Variants in DNAH12 observed in about 807,000 individuals in gnomAD.
DNAH12 encodes axonemal beta dynein heavy chain 12.
DNAH12 carries 285 observed loss-of-function variants against 371.5 expected under a neutral mutation model. The observed-to-expected ratio is 0.77, with a 90% CI of 0.70 to 0.85. DNAH12 has a LOEUF of 0.85. DNAH12 is among the 40% of genes least tolerant of loss of function. DNAH12 has a pLI of 0.00. For synonymous variants in DNAH12, 1,200 were observed against 1,213.0 expected, an observed-to-expected ratio of 0.99 and a Z score of 0.22; for missense variants, 3,611 against 3,689.4, an observed-to-expected ratio of 0.98 and a Z score of 0.55.
In DNAH12 at chr3:57,301,900, T is replaced by C. The variant is rs1372586229; in HGVS notation, c.11229A>G (p.Glu3743=). The part of the protein sequence containing the change: ...ITIRNTLRDL[E]KAIKGVVVMD... ...TCACAACCACACCCTTAATAGCTTT[T>C]TCAAGGTCCCGTAGAGTGTTACGTA... The change falls in exon 70 of 74, where the codon GAA becomes GAG. Residue 3743 remains glutamate, a synonymous_variant. Coordinates refer to ENST00000495027, the MANE Select transcript of DNAH12 (RefSeq NM_001366028.2). The C allele has an allele frequency of 1.9e-6, 3 of 1,551,492 alleles. No individual in the cohort carries two copies. Among genetic ancestry groups the C allele is most frequent in the Non-Finnish European group, 2.6e-6 (3 of 1,146,978 alleles).
rs1386750385 is a variant in DNAH12 at position 57,375,917 on chromosome 3, A to G, written c.8514T>C (p.Thr2838=). The part of the protein sequence containing the change: ...DDLQITYENL[T]GDVLVSAGVI... ...CTCCTGCTGATACTAAGACATCGCC[A>G]GTTAAATTTTCATATGTTATCTGAA... is the stretch of plus-strand genomic sequence containing the variant. The change falls in exon 54 of 74, where the codon ACT becomes ACC. Residue 2838 remains threonine, a synonymous_variant. Transcript: ENST00000495027. The G allele has an allele frequency of 6.6e-6, 1 of 152,190 alleles. No individual in the cohort carries two copies. The highest frequency in any genetic ancestry group is 2.4e-5 in the African/African-American group (1 of 41,446). The allele number at this position is 152,190 out of a possible 1,614,324, so 9.4% of individuals were successfully genotyped here.
intron 2 of DNAH12, among the ~76,000 whole-genome samples, chr3:57,533,767 T>C (rs991856335): frequency 1.3e-5 from 2 of 152,200 alleles, no homozygotes; most frequent in African/African-American, 2.4e-5. Context: ...CCTCTCTTCA[T>C]GCGGAAGGAA....
intron 4 of DNAH12, among the ~76,000 whole-genome samples, chr3:57,512,920 T>C (rs1444260056): frequency 6.6e-6 from 1 of 151,990 alleles, no homozygotes; most frequent in Non-Finnish European, 1.5e-5. Flanking sequence ...GGGTGGATCA[T>C]GAAGTCAGGA....
In DNAH12 at chr3:57,419,294, T is replaced by A. The variant is rs1315375836; in HGVS notation, c.5714+73A>T. The A allele has an allele frequency of 2.2e-6, 3 of 1,382,560 alleles. No individual in the cohort carries two copies. The East Asian group carries it at 8.8e-5, about 41-fold the overall frequency. 85.6% of individuals were successfully genotyped at this position (1,382,560 alleles called of 1,614,324 possible). ...CTGAAAAGGGATGATCTCGAATACT[T>A]CAAAAATTGCCATAATCCTATTAAA... On this transcript the variant is annotated intron_variant, in intron 37 of 73. Transcript: ENST00000495027.
In DNAH12 at chr3:57,468,912, G is replaced by T; in HGVS notation, c.2173C>A (p.Arg725=). 1 of 1,522,450 alleles carries T rather than the reference G, an allele frequency of 6.6e-7. No individual in the cohort carries two copies. Among genetic ancestry groups the T allele is most frequent in the Non-Finnish European group, 8.8e-7 (1 of 1,138,594 alleles). The allele number at this position is 1,522,450 out of a possible 1,614,324, so 94.3% of individuals were successfully genotyped here. Residue 725 remains arginine, a synonymous_variant, in exon 17 of 74, where the codon CGA becomes AGA. Transcript: ENST00000495027. ...AATTTTAGTGTCTTAAAAATTTCTC[G>T]GGAAAACTCTTCCACATCAGCCTCC... ...SMEADVEEFS[R]EIFKTLKFFQ...
chr3:57,482,639 A>T (rs2066784105), intron 13 of DNAH12, among the ~76,000 whole-genome samples: 1 of 152,132 alleles, frequency 6.6e-6, no homozygotes, highest in Non-Finnish European at 1.5e-5. Context: ...TTATTGCAGC[A>T]CTATTCACAA....
chr3:57,397,247 A>T (rs1032219862), intron 43 of DNAH12, among the ~76,000 whole-genome samples: 1 of 151,870 alleles, frequency 6.6e-6, no homozygotes, highest in Non-Finnish European at 1.5e-5. Flanking sequence ...TTACCTTTGT[A>T]AGGACTTTAG....
chr3:57,337,078 C>G (rs1341456262), intron 60 of DNAH12, among the ~76,000 whole-genome samples: 1 of 151,986 alleles, frequency 6.6e-6, no homozygotes, highest in Admixed American at 6.6e-5. Context: ...CCAATGAAAA[C>G]TAAAAGGAAG....
chr3:57,296,994 GAAAAC>G lies in DNAH12; in HGVS notation c.11395-15_11395-11del. 6.4e-7 allele frequency: 1 copy of G among 1,550,762 alleles called. No individual in the cohort carries two copies. Among genetic ancestry groups the G allele is most frequent in the Non-Finnish European group, 8.7e-7 (1 of 1,146,782 alleles). ...CTGAATTATACCAGTCCTACAAAGG[GAAAAC>G]AAAACACATTATGTCAGTTTTTAAA... is the stretch of plus-strand genomic sequence containing the variant. On this transcript the variant is annotated splice_polypyrimidine_tract_variant and intron_variant, in intron 70 of 73. Transcript: ENST00000495027.
chr3:57,448,163 G>A (rs1436921103), intron 25 of DNAH12, among the ~76,000 whole-genome samples: 1 of 152,202 alleles, frequency 6.6e-6, no homozygotes, highest in Non-Finnish European at 1.5e-5. Flanking sequence ...CAAGAATGAA[G>A]CCGCGGACCC....
chr3:57,383,068 G>GGTTA (rs1352608232), intron 49 of DNAH12, among the ~76,000 whole-genome samples: 1 of 152,198 alleles, frequency 6.6e-6, no homozygotes, highest in Non-Finnish European at 1.5e-5. Flanking sequence ...TTACAGTGGA[G>GGTTA]GTTACGTGGC....
At chr3:57,531,361 C>T (rs73082403) in intron 2 of DNAH12, among the ~76,000 whole-genome samples, 17,728 of 152,176 alleles carry the variant, frequency 0.12, 1,277 homozygotes, top group South Asian at 0.21. Flanking sequence ...AAGGTTTCCA[C>T]TGAAGTCTGC....
intron 58 of DNAH12, among the ~76,000 whole-genome samples, chr3:57,362,192 G>A (rs1302996125): frequency 2.0e-5 from 3 of 152,232 alleles, no homozygotes; most frequent in South Asian, 2.1e-4. Flanking sequence ...CGAAGAACAC[G>A]AACTCATTCT....
chr3:57,312,605 T>C lies in DNAH12; in HGVS notation c.10663-1655A>G, dbSNP rs530176711. 1.0e-3 allele frequency among the ~76,000 whole-genome samples: 157 copies of C among 152,306 alleles called. 1 individual carries two copies. Among genetic ancestry groups the C allele is most frequent in the African/African-American group, 3.7e-3 (154 of 41,578 alleles). The stretch of plus-strand genomic sequence containing the variant: ...TCCAGCCAATGCTGGCAGTTTCCAA[T>C]GTTGGGGCTAGAAAGGTTGATGACA... On this transcript the variant is annotated intron_variant, in intron 66 of 73. Coordinates refer to ENST00000495027, the MANE Select transcript of DNAH12 (RefSeq NM_001366028.2).
chr3:57,460,258 A>G (rs1327960918), intron 19 of DNAH12, among the ~76,000 whole-genome samples: 1 of 152,142 alleles, frequency 6.6e-6, no homozygotes, highest in East Asian at 1.9e-4. Context: ...CCCCCATCAC[A>G]GAGAATTATA....
chr3:57,443,286 T>C (rs2153369553), intron 29 of DNAH12, among the ~76,000 whole-genome samples: 1 of 152,176 alleles, frequency 6.6e-6, no homozygotes, highest in South Asian at 2.1e-4. Context: ...ATTTTTGTAT[T>C]TTTAGCAGAG....
At chr3:57,438,446 A>T (rs987909849) in intron 29 of DNAH12, among the ~76,000 whole-genome samples, 1 of 152,244 alleles carries the variant, frequency 6.6e-6, no homozygotes, top group African/African-American at 2.4e-5. Context: ...CAATCAGGCA[A>T]GAGAAAGAAA....
chr3:57,309,399 C>T, intron 68 of DNAH12, 145 bp from the exon 69 acceptor site: 3 of 714,870 alleles, frequency 4.2e-6, no homozygotes, highest in African/African-American at 1.8e-5. Context: ...TCCTATGTAC[C>T]TTAGCTCATC....
chr3:57,382,767 A>ATG (rs1391875633), intron 49 of DNAH12, among the ~76,000 whole-genome samples: 1 of 152,210 alleles, frequency 6.6e-6, no homozygotes, highest in Non-Finnish European at 1.5e-5. Context: ...GCTTATATAT[A>ATG]TTAGTTCTAT....
Sources: allele counts gnomAD v4.1 joint callset (sites outside exome capture counted in the v4.1 genomes callset), GRCh38; gene constraint gnomAD v4.1.1; transcripts MANE v1.5; gene names NCBI Gene and HGNC (gene_info 2026-07-23, HGNC 2026-07-21).